CKMT2: variants seen among roughly 807,000 people sequenced by gnomAD.
CKMT2 encodes creatine kinase S-type, mitochondrial.
CKMT2 carries 43 observed loss-of-function variants against 48.9 expected under a neutral mutation model. The observed-to-expected ratio is 0.88, with a 90% CI of 0.69 to 1.13. CKMT2 has a LOEUF of 1.13. Ranked by LOEUF, CKMT2 falls within the 50% of genes most tolerant of loss-of-function variation. CKMT2 has a pLI of 0.00. For missense variants in CKMT2, 472 were observed against 555.4 expected, an observed-to-expected ratio of 0.85 and a Z score of 1.51; for synonymous variants, 206 against 213.0, an observed-to-expected ratio of 0.97 and a Z score of 0.29.
chr5:81,250,417 G>T (rs1307796655), intron 1 of CKMT2, among the ~76,000 whole-genome samples: 1 of 152,178 alleles, frequency 6.6e-6, no homozygotes, highest in Non-Finnish European at 1.5e-5. Context: ...TTCTTCTGTT[G>T]ACTCTCATTC....
intron 1 of CKMT2, chr5:81,242,303 C>CTT: frequency 1.2e-5 from 4 of 323,852 alleles, no homozygotes; most frequent in Non-Finnish European, 1.2e-5. Flanking sequence ...AGTTTGTGGG[C>CTT]TTTTTTTTTG....
chr5:81,246,951 T>A (rs1447166519), intron 1 of CKMT2: 2 of 152,248 alleles, frequency 1.3e-5, no homozygotes, highest in African/African-American at 4.8e-5. Flanking sequence ...ACGGGGAAGC[T>A]GGATCAGCCA....
In CKMT2 at chr5:81,266,192, AAAG is replaced by A. The variant is rs763204795; in HGVS notation, c.1198_1200del (p.Lys400del). ...GAGTCAATTACCTGGTGGATTGTGA[AAAG>A]AAGTTGGAGAGAGGCCAAGATATTA... On this transcript the variant is annotated inframe_deletion, in exon 10 of 10. Coordinates refer to ENST00000254035, the MANE Select transcript of CKMT2 (RefSeq NM_001099735.2). 6.2e-6 allele frequency: 10 copies of A among 1,613,440 alleles called. No individual in the cohort carries two copies. Among genetic ancestry groups the A allele is most frequent in the African/African-American group, 4.0e-5 (3 of 75,020 alleles).
At chr5:81,263,982 G>T (rs577257373) in intron 9 of CKMT2, among the ~76,000 whole-genome samples, 1 of 152,280 alleles carries the variant, frequency 6.6e-6, no homozygotes, top group East Asian at 1.9e-4. Flanking sequence ...CTCTGAGGGT[G>T]GCAAAATAGT....
intron 1 of CKMT2, among the ~76,000 whole-genome samples, chr5:81,235,415 CCT>C (rs1756215709): frequency 2.0e-5 from 3 of 152,162 alleles, no homozygotes; most frequent in African/African-American, 4.8e-5. Flanking sequence ...CCAAGGACAT[CCT>C]CTGTTTTGGG....
At chr5:81,248,631 C>A (rs1241544844) in intron 1 of CKMT2, among the ~76,000 whole-genome samples, 3 of 152,210 alleles carry the variant, frequency 2.0e-5, no homozygotes, top group African/African-American at 7.2e-5. Context: ...CCCAGGACAA[C>A]TTCAAGAAAT....
At chr5:81,257,676 T>C in intron 6 of CKMT2, 57 bp from the exon 7 acceptor site, 1 of 1,529,538 alleles carries the variant, frequency 6.5e-7, no homozygotes, top group Non-Finnish European at 8.9e-7. Context: ...AATGGGAATT[T>C]TCATGTGTTG....
chr5:81,234,372 G>C (rs1273896891), intron 1 of CKMT2, among the ~76,000 whole-genome samples: 1 of 152,148 alleles, frequency 6.6e-6, no homozygotes, highest in Non-Finnish European at 1.5e-5. Context: ...GCTGTTTCCA[G>C]AAGGGCTGCT....
intron 1 of CKMT2, among the ~76,000 whole-genome samples, chr5:81,240,433 C>T (rs551404694): frequency 1.5e-4 from 23 of 152,360 alleles, no homozygotes; most frequent in South Asian, 1.4e-3. Context: ...GGGCACACGG[C>T]ATCCACAGTC....
chr5:81,258,502 C>T (rs1216034012), intron 7 of CKMT2, among the ~76,000 whole-genome samples: 1 of 152,228 alleles, frequency 6.6e-6, no homozygotes, highest in African/African-American at 2.4e-5. Context: ...ATGCCACCAA[C>T]TAACATTCAT....
chr5:81,263,537 G>T lies in CKMT2; in HGVS notation c.1061G>T (p.Arg354Leu). 6.2e-7 allele frequency: 1 copy of T among 1,613,142 alleles called. No individual in the cohort carries two copies. The highest frequency in any genetic ancestry group is 8.5e-7 in the Non-Finnish European group (1 of 1,179,432). The change falls in exon 9 of 10, where the codon CGT becomes CTT. Residue 354 changes from arginine (R) to leucine (L), a missense_variant. By Grantham distance (102) the Arg-to-Leu change is moderately radical. Coordinates refer to ENST00000254035, the MANE Select transcript of CKMT2 (RefSeq NM_001099735.2). ...KILENLRLQK[R>L]GTGGVDTAAV... ...CTGGAAAACCTAAGACTCCAGAAGCGTGGCACAGGTGGTGTGGACACTGCC... is the reference window on the plus strand; with the variant it reads ...CTGGAAAACCTAAGACTCCAGAAGCTTGGCACAGGTGGTGTGGACACTGCC...
intron 1 of CKMT2, among the ~76,000 whole-genome samples, chr5:81,250,228 CAT>C (rs1450700128): frequency 1.3e-5 from 2 of 152,176 alleles, no homozygotes; most frequent in African/African-American, 2.4e-5. Context: ...TCAGCTGTGT[CAT>C]AATGAGTGGT....
rs192932450 is a variant in CKMT2, at chr5:81,256,305, G to A, written c.670-610G>A. Among the ~76,000 whole-genome samples, 12 of 117,014 alleles carry A rather than the reference G, an allele frequency of 1.0e-4. 1 individual carries two copies. Among genetic ancestry groups the A allele is most frequent in the African/African-American group, 3.1e-4 (11 of 35,652 alleles). The allele number at this position is 117,014 out of a possible 152,430, so 76.8% of individuals were successfully genotyped here. Reference sequence around the variant, plus strand: ...GCTACTTCCTACAACCATCCTATTGGACAGGTTGTTTGATCTCTCTGAATC... The same window carrying A: ...GCTACTTCCTACAACCATCCTATTGAACAGGTTGTTTGATCTCTCTGAATC... On this transcript the variant is annotated intron_variant, in intron 5 of 9. Transcript: ENST00000254035.
intron 8 of CKMT2, among the ~76,000 whole-genome samples, chr5:81,260,084 T>TACATGGAAATTGA (rs1757160246): frequency 6.6e-6 from 1 of 152,144 alleles, no homozygotes; most frequent in Non-Finnish European, 1.5e-5. Flanking sequence ...ACCGCACGAA[T>TACATGGAAATTGA]ACATGGAAAT....
At chr5:81,259,899 C>T (rs952902913) in intron 8 of CKMT2, among the ~76,000 whole-genome samples, 2 of 152,162 alleles carry the variant, frequency 1.3e-5, no homozygotes, top group African/African-American at 2.4e-5. Flanking sequence ...ACTATCCACC[C>T]AAAATCAACA....
At chr5:81,235,317 G>T (rs948022876) in intron 1 of CKMT2, among the ~76,000 whole-genome samples, 3 of 152,192 alleles carry the variant, frequency 2.0e-5, no homozygotes, top group African/African-American at 7.2e-5. Flanking sequence ...TGCTATCTTA[G>T]AACTGGGAGG....
At chr5:81,252,412 C>A (rs10036376) in intron 2 of CKMT2, 3 of 452,254 alleles carry the variant, frequency 6.6e-6, no homozygotes, top group Non-Finnish European at 1.2e-5. Context: ...CAGGGTAAGA[C>A]AGCACCCAAT....
intron 3 of CKMT2, 84 bp downstream of exon 3, chr5:81,252,977 T>C (rs1489339844): frequency 1.4e-6 from 2 of 1,450,108 alleles, no homozygotes; most frequent in Non-Finnish European, 1.9e-6. Flanking sequence ...CCTTTTCTTC[T>C]CTATGGGGCC....
At chr5:81,252,978 CTAT>C (rs1756875087) in intron 3 of CKMT2, 85 bp downstream of exon 3, 1 of 1,440,860 alleles carries the variant, frequency 6.9e-7, no homozygotes, top group Admixed American at 1.7e-5. Context: ...CTTTTCTTCT[CTAT>C]GGGGCCAACT....
Sources: gnomAD v4.1 joint callset for allele counts (sites outside exome capture counted in the v4.1 genomes callset) on GRCh38, gnomAD v4.1.1 for gene constraint, MANE v1.5 for transcripts, NCBI Gene and HGNC (gene_info 2026-07-23, HGNC 2026-07-21) for gene names.